Variants in UBE2D3 observed in about 807,000 individuals in gnomAD.
UBE2D3 encodes ubiquitin conjugating enzyme E2 D3, also known as ubiquitin-conjugating enzyme E2 D3.
A neutral mutation model predicts 22.8 loss-of-function variants in UBE2D3; 2 were observed. The observed-to-expected ratio is 0.09, with a 90% CI of 0.04 to 0.28. The LOEUF (loss-of-function observed/expected upper bound fraction) is 0.28, where lower values mean the gene tolerates loss of function less well. Among genes scored for constraint, UBE2D3 ranks in the 10% least tolerant of loss-of-function variants. UBE2D3 has a pLI of 1.00. For missense variants in UBE2D3, 27 were observed against 182.5 expected, an observed-to-expected ratio of 0.15 and a Z score of 4.91; for synonymous variants, 56 against 60.4, an observed-to-expected ratio of 0.93 and a Z score of 0.34.
intron 2 of UBE2D3, chr4:102,819,512 G>A: frequency 1.0e-6 from 1 of 963,652 alleles, no homozygotes; most frequent in Non-Finnish European, 1.2e-6. Flanking sequence ...GCCAGTATCT[G>A]TTCATCAGAT....
At chr4:102,849,772 A>G (rs1202890541) in intron 1 of UBE2D3, among the ~76,000 whole-genome samples, 1 of 152,234 alleles carries the variant, frequency 6.6e-6, no homozygotes, top group Non-Finnish European at 1.5e-5. Context: ...AAGATTGACA[A>G]TACCACGTGT....
At chr4:102,813,143 G>C (rs1250050668) in intron 2 of UBE2D3, among the ~76,000 whole-genome samples, 2 of 152,116 alleles carry the variant, frequency 1.3e-5, no homozygotes, top group Non-Finnish European at 2.9e-5. Flanking sequence ...TTTGATTAAA[G>C]TTGTTTAGTT....
chr4:102,857,554 GT>G (rs1732685026), intron 1 of UBE2D3, among the ~76,000 whole-genome samples: 1 of 152,184 alleles, frequency 6.6e-6, no homozygotes, highest in African/African-American at 2.4e-5. Context: ...GCCATAACAT[GT>G]TGAATATGTT....
intron 1 of UBE2D3, among the ~76,000 whole-genome samples, chr4:102,848,678 G>A (rs1732171009): frequency 6.6e-6 from 1 of 151,954 alleles, no homozygotes; most frequent in African/African-American, 2.4e-5. Context: ...AATAGGCTGG[G>A]TATGGTAGTG....
At chr4:102,829,111 C>T (rs223386), upstream of UBE2D3, among the ~76,000 whole-genome samples, 82,803 of 152,062 alleles carry the variant, frequency 0.54, 23,136 homozygotes, top group African/African-American at 0.68. Context: ...TGAAGCAGTG[C>T]TTCTCAAACT....
chr4:102,833,006 A>AAAG (rs1731193303), intron 1 of UBE2D3, among the ~76,000 whole-genome samples: 1 of 151,802 alleles, frequency 6.6e-6, no homozygotes, highest in South Asian at 2.1e-4. Flanking sequence ...CTCAAAAAAA[A>AAAG]AAAAAAATGT....
chr4:102,818,752 ATTTTTT>A lies in UBE2D3; in HGVS notation c.24+7727_24+7732del, dbSNP rs68101761. ...TTAAGCAGTAATGGGTTTGGTCACTATTTTTTTTTTTATTCTGAAACATTCCTTACA... is the reference window on the plus strand; with the variant it reads ...TTAAGCAGTAATGGGTTTGGTCACTATTTTTATTCTGAAACATTCCTTACA... On this transcript the variant is annotated intron_variant, in intron 2 of 7. Coordinates refer to ENST00000453744, the MANE Select transcript of UBE2D3 (RefSeq NM_181891.3). Among the ~76,000 whole-genome samples the A allele has an allele frequency of 2.7e-5, 4 of 148,530 alleles. No homozygotes were observed. The East Asian group carries it at 7.8e-4, about 29-fold the overall frequency.
At chr4:102,860,556 G>GA (rs903938287) in intron 1 of UBE2D3, among the ~76,000 whole-genome samples, 6 of 151,866 alleles carry the variant, frequency 4.0e-5, no homozygotes, top group African/African-American at 1.2e-4. Flanking sequence ...TAGAGATTCT[G>GA]AAGGTCTCTC....
At chr4:102,819,758 T>TC (rs1453402053) in intron 2 of UBE2D3, among the ~76,000 whole-genome samples, 2 of 152,216 alleles carry the variant, frequency 1.3e-5, no homozygotes, top group African/African-American at 4.8e-5. Flanking sequence ...ATTTTGCACG[T>TC]CATCACACAA....
At chr4:102,806,168 T>C (rs893646205) in intron 4 of UBE2D3, among the ~76,000 whole-genome samples, 1 of 152,234 alleles carries the variant, frequency 6.6e-6, no homozygotes, top group African/African-American at 2.4e-5. Context: ...CATACGGTGC[T>C]TTATGATCTG....
chr4:102,803,925 C>T (rs1299542828), intron 4 of UBE2D3, among the ~76,000 whole-genome samples: 2 of 151,998 alleles, frequency 1.3e-5, no homozygotes, highest in Admixed American at 6.5e-5. Context: ...TGCACCACCA[C>T]ACCCAGCTAA....
chr4:102,823,537 G>C (rs543070373), intron 2 of UBE2D3, among the ~76,000 whole-genome samples: 2 of 152,154 alleles, frequency 1.3e-5, no homozygotes, highest in African/African-American at 4.8e-5. Context: ...ATGAAAACAT[G>C]AGCTATTCTT....
intron 5 of UBE2D3, chr4:102,802,343 A>G (rs901904874): frequency 1.7e-5 from 6 of 350,142 alleles, no homozygotes; most frequent in African/African-American, 1.3e-4. Context: ...CATGGTCTGA[A>G]TCTTGCAACA....
upstream of UBE2D3, among the ~76,000 whole-genome samples, chr4:102,829,241 T>G (rs1013783484): frequency 6.6e-6 from 1 of 152,186 alleles, no homozygotes; most frequent in African/African-American, 2.4e-5. Flanking sequence ...ATTTTTCTCG[T>G]CTGAACCACC....
intron 1 of UBE2D3, among the ~76,000 whole-genome samples, chr4:102,835,778 A>G (rs545330457): frequency 8.6e-3 from 284 of 33,156 alleles, no homozygotes; most frequent in African/African-American, 0.059. Context: ...ATAAGCTAAC[A>G]TATATATATA....
At chr4:102,844,704 G>C (rs1170241593) in intron 1 of UBE2D3, among the ~76,000 whole-genome samples, 2 of 152,056 alleles carry the variant, frequency 1.3e-5, no homozygotes, top group South Asian at 2.1e-4. Context: ...ATTAGTACAA[G>C]TTAAGAGACA....
chr4:102,800,412 CA>C (rs920200205), intron 6 of UBE2D3, among the ~76,000 whole-genome samples: 3 of 151,916 alleles, frequency 2.0e-5, no homozygotes, highest in Admixed American at 1.3e-4. Flanking sequence ...AATAAGTTAG[CA>C]AAGTATGGCT....
chr4:102,797,644 G>A (rs1197112272), intron 7 of UBE2D3, among the ~76,000 whole-genome samples, 184 bp from the exon 8 acceptor site: 1 of 151,944 alleles, frequency 6.6e-6, no homozygotes, highest in Non-Finnish European at 1.5e-5. Context: ...TGGGAAATGA[G>A]AGCCTGATGC....
chr4:102,861,502 C>A (rs1024272160), intron 1 of UBE2D3, among the ~76,000 whole-genome samples: 2 of 152,012 alleles, frequency 1.3e-5, no homozygotes, highest in African/African-American at 4.8e-5. Context: ...TTAAATCTCA[C>A]ATTTATTCTG....
Sources: gnomAD v4.1 joint callset for allele counts (sites outside exome capture counted in the v4.1 genomes callset) on GRCh38, gnomAD v4.1.1 for gene constraint, MANE v1.5 for transcripts, NCBI Gene and HGNC (gene_info 2026-07-23, HGNC 2026-07-21) for gene names.